Variants in SETD6 observed in about 807,000 individuals in gnomAD.
SETD6 encodes the protein N-lysine methyltransferase SETD6.
Under a neutral mutation model 52.7 loss-of-function variants are expected in SETD6, and 67 were observed. The ratio of observed to expected loss-of-function variants is 1.27; its 90% CI spans 1.04 to 1.56. The LOEUF is 1.56. Ranked by LOEUF, SETD6 falls within the 40% of genes most tolerant of loss-of-function variation. The pLI is 0.00. For missense variants in SETD6, 712 were observed against 607.5 expected (o/e 1.17, Z -1.81); for synonymous variants, 307 against 250.2 (o/e 1.23, Z -2.14).
rs1263399246 is a variant in SETD6, at chr16:58,518,237, T to C, written c.973+6T>C. ...TCGTGAGGCAGCATTACAGGGTGAG[T>C]GTATCATTAACTCAATATTTGACAC... is the stretch of plus-strand genomic sequence containing the variant. On this transcript the variant is annotated splice_donor_region_variant and intron_variant, in intron 6 of 7. Transcript: ENST00000219315. The C allele has an allele frequency of 1.9e-6, 3 of 1,613,956 alleles. No individual in the cohort carries two copies. In the Admixed American group the frequency reaches 5.0e-5, roughly 27 times the overall value.
intron 4 of SETD6, 22 bp downstream of exon 4, chr16:58,516,694 G>A (rs533477874): frequency 1.9e-6 from 3 of 1,610,526 alleles, no homozygotes; most frequent in Non-Finnish European, 2.5e-6. Flanking sequence ...GGGCCTCTGA[G>A]GACGGAACCC....
intron 5 of SETD6, chr16:58,517,270 T>C (rs2039198517): frequency 2.8e-6 from 1 of 355,222 alleles, no homozygotes; most frequent in Admixed American, 3.7e-5. Context: ...AGTGATAGTC[T>C]CCGTGTTTTG....
chr16:58,520,696 T>G lies in SETD6; in HGVS notation c.*1667T>G. On this transcript the variant is annotated 3_prime_UTR_variant, in exon 8 of 8. Transcript: ENST00000219315. ...AAGCCAAGAAGTTCCAGACAAAGGT[T>G]TTCTCTTTCATGTATTTACACAAGT... 1 of 478,508 alleles carries G rather than the reference T, an allele frequency of 2.1e-6. No homozygotes were observed. Among genetic ancestry groups the G allele is most frequent in the Non-Finnish European group, 3.8e-6 (1 of 263,066 alleles). The allele number at this position is 478,508 out of a possible 1,614,324, so 29.6% of individuals were successfully genotyped here.
In SETD6 at chr16:58,520,909, G is replaced by A. The variant is rs752277845; in HGVS notation, c.*1880G>A. 3 of 1,563,256 alleles carry A rather than the reference G, an allele frequency of 1.9e-6. No individual in the cohort carries two copies. In the South Asian group the frequency reaches 3.3e-5, roughly 17 times the overall value. ...ATTCTTCAGTCAGTTTATGAACTCG[G>A]TGCAGTGAGACCTCTAGACTGACAC... On this transcript the variant is annotated 3_prime_UTR_variant, in exon 8 of 8. Coordinates refer to ENST00000219315, the MANE Select transcript of SETD6 (RefSeq NM_001160305.4).
chr16:58,516,124 TGGGGCGGGGCGGGGCGGGGC>T, intron 2 of SETD6, 27 bp downstream of exon 2: 1 of 411,204 alleles, frequency 2.4e-6, no homozygotes, highest in Non-Finnish European at 3.2e-6. Context: ...GCTAGGGCCC[TGGGGCGGGGCGGGGCGGGGC>T]GGGGCGGGCC....
At chr16:58,516,723 A>G (rs780235563) in intron 4 of SETD6, 51 bp downstream of exon 4, 3 of 1,610,024 alleles carry the variant, frequency 1.9e-6, no homozygotes, top group Non-Finnish European at 2.5e-6. Flanking sequence ...ACAACTCTAT[A>G]GAGGGACAAA....
upstream of SETD6, chr16:58,515,496 C>G (rs1450123973): frequency 2.3e-5 from 36 of 1,566,814 alleles, no homozygotes; most frequent in Non-Finnish European, 3.0e-5. Flanking sequence ...CCGGAAGTGA[C>G]CGCGCGGTGC....
Position 58,521,233 on chromosome 16 carries a change from C to T in SETD6, c.*2204C>T, listed in dbSNP as rs754967022. The T allele has an allele frequency of 1.1e-5, 17 of 1,613,986 alleles. No homozygotes were observed. Among genetic ancestry groups the T allele is most frequent in the East Asian group, 8.9e-5 (4 of 44,898 alleles). Reference sequence around the variant, plus strand: ...CAAATTCATGGTTCCAGAACTTAAACGCTGGGTTTTTAATCAGCTCAATGA... The same window carrying T: ...CAAATTCATGGTTCCAGAACTTAAATGCTGGGTTTTTAATCAGCTCAATGA... On this transcript the variant is annotated 3_prime_UTR_variant, in exon 8 of 8. Transcript: ENST00000219315.
At position 58,515,821 on chromosome 16, in the gene SETD6, G is replaced by A; in HGVS notation, c.58G>A (p.Asp20Asn). 2.0e-6 allele frequency: 3 copies of A among 1,537,120 alleles called. No individual in the cohort carries two copies. Among genetic ancestry groups the A allele is most frequent in the South Asian group, 1.2e-5 (1 of 82,360 alleles). ...GGGGCCCGTGGACGGCGGCGACCTGGATCCTGTGGCCTGCTTCCTGAGCTG... is the reference window on the plus strand; with the variant it reads ...GGGGCCCGTGGACGGCGGCGACCTGAATCCTGTGGCCTGCTTCCTGAGCTG... ...VAGPVDGGDLDPVACFLSWCR... is the reference protein window; with the variant it reads ...VAGPVDGGDLNPVACFLSWCR... Residue 20 changes from aspartate to asparagine, a missense_variant, in exon 2 of 8, where the codon GAT (aspartate) becomes AAT (asparagine). By Grantham distance (23) the Asp-to-Asn change is conservative (BLOSUM62 1). Coordinates refer to ENST00000219315, the MANE Select transcript of SETD6 (RefSeq NM_001160305.4).
chr16:58,516,165 G>A, intron 2 of SETD6, 37 bp from the exon 3 acceptor site: 1 of 1,395,340 alleles, frequency 7.2e-7, no homozygotes, highest in Non-Finnish European at 9.2e-7. Flanking sequence ...CGGCCCGCGA[G>A]GCCGCGCCGG....
rs1410003134 is a variant in SETD6 at position 58,516,250 on chromosome 16, C to CGCTGCTCCACGA, written c.389_400dup (p.Leu130_Leu133dup). The CGCTGCTCCACGA allele has an allele frequency of 6.3e-7, 1 of 1,599,404 alleles. No individual in the cohort carries two copies. Among genetic ancestry groups the CGCTGCTCCACGA allele is most frequent in the African/African-American group, 1.3e-5 (1 of 74,942 alleles). ...TCGGGCTGGGTGCCACTGCTGCTGGCGCTGCTCCACGAGCTGCAGGCCCCG... is the reference window on the plus strand; with the variant it reads ...TCGGGCTGGGTGCCACTGCTGCTGGCGCTGCTCCACGAGCTGCTCCACGAGCTGCAGGCCCCG... On this transcript the variant is annotated inframe_insertion, in exon 3 of 8. Transcript: ENST00000219315.
chr16:58,518,060 C>G lies in SETD6; in HGVS notation c.802C>G (p.Arg268Gly). 1 of 1,614,152 alleles carries G rather than the reference C, an allele frequency of 6.2e-7. No individual in the cohort carries two copies. The highest frequency in any genetic ancestry group is 1.1e-5 in the South Asian group (1 of 91,088). Residue 268 changes from arginine (R) to glycine (G), a missense_variant, in exon 6 of 8, where the codon CGG becomes GGG. Transcript: ENST00000219315. Reference protein sequence around the residue: ...ANLEYSANCLRMVATQPIPKG... With the variant: ...ANLEYSANCLGMVATQPIPKG... ...CTCCCTTTCACCTCAGAATTGTCTTCGGATGGTAGCCACTCAGCCCATTCC... is the reference window on the plus strand; with the variant it reads ...CTCCCTTTCACCTCAGAATTGTCTTGGGATGGTAGCCACTCAGCCCATTCC...
In SETD6 at chr16:58,518,633, T is replaced by A. The variant is rs971549617; in HGVS notation, c.1116+90T>A. 5 of 1,577,246 alleles carry A rather than the reference T, an allele frequency of 3.2e-6. No homozygotes were observed. The African/African-American group carries it at 5.5e-5, about 17-fold the overall frequency. The stretch of plus-strand genomic sequence containing the variant: ...GATGAGAGAGGAAATGTGGGATTTT[T>A]AATAAATGCTAAGATGAGTTTAGTC... On this transcript the variant is annotated intron_variant, in intron 7 of 7. Transcript: ENST00000219315.
At chr16:58,517,159 C>A in intron 5 of SETD6, 1 of 584,294 alleles carries the variant, frequency 1.7e-6, no homozygotes, top group Non-Finnish European at 3.0e-6. Flanking sequence ...TTATTTAGTG[C>A]TAGACATTGA....
chr16:58,523,287 C>A lies in SETD6; in HGVS notation c.*4258C>A. ...ACCAACCAAACGGATTTTCACTGAACACTGAAAGCATAAAGAGGAAAAAAA... is the reference window on the plus strand; with the variant it reads ...ACCAACCAAACGGATTTTCACTGAAAACTGAAAGCATAAAGAGGAAAAAAA... On this transcript the variant is annotated 3_prime_UTR_variant, in exon 8 of 8. Coordinates refer to ENST00000219315, the MANE Select transcript of SETD6 (RefSeq NM_001160305.4). 6 of 1,387,616 alleles carry A rather than the reference C, an allele frequency of 4.3e-6. No homozygotes were observed. Among genetic ancestry groups the A allele is most frequent in the African/African-American group, 1.6e-5 (1 of 64,168 alleles). The allele number at this position is 1,387,616 out of a possible 1,614,324, so 86.0% of individuals were successfully genotyped here.
Position 58,518,193 on chromosome 16 carries a change from ACATT to A in SETD6, c.938_941del (p.Ile313ArgfsTer3). The A allele has an allele frequency of 6.2e-7, 1 of 1,614,236 alleles. No homozygotes were observed. The highest frequency in any genetic ancestry group is 2.2e-5 in the East Asian group (1 of 44,890). On this transcript the variant is annotated frameshift_variant, in exon 6 of 8. Coordinates refer to ENST00000219315, the MANE Select transcript of SETD6 (RefSeq NM_001160305.4). LOFTEE classifies it high-confidence loss of function. ...CCTGACAACACAGATGACACAGCTG[ACATT>A]CAGATGGTGACAGTTCGTGAGGCAG...
rs760300831 is a variant in SETD6 at position 58,516,570 on chromosome 16, C to A, written c.569C>A (p.Ser190Tyr). 6.2e-7 allele frequency: 1 copy of A among 1,614,080 alleles called. No homozygotes were observed. ...GCCAACATCCGCAGCGAGTACCAGT[C>A]CATCGTGCTGCCCTTCATGGAAGCC... ...DLANIRSEYQSIVLPFMEAHP... is the reference protein window; with the variant it reads ...DLANIRSEYQYIVLPFMEAHP... Residue 190 changes from serine to tyrosine, a missense_variant, in exon 4 of 8, where the codon TCC becomes TAC. Physicochemically the swap from Ser to Tyr is moderately radical, Grantham distance 144. Coordinates refer to ENST00000219315, the MANE Select transcript of SETD6 (RefSeq NM_001160305.4).
intron 5 of SETD6, 30 bp downstream of exon 5, chr16:58,516,958 T>A: frequency 6.2e-7 from 1 of 1,614,088 alleles, no homozygotes; most frequent in Non-Finnish European, 8.5e-7. Flanking sequence ...GTGCACTGAT[T>A]GAGCATGATT....
chr16:58,515,850 C>T lies in SETD6; in HGVS notation c.87C>T (p.Cys29=), dbSNP rs1186569828. The change falls in exon 2 of 8, where the codon TGC becomes TGT. Residue 29 remains cysteine (C), a synonymous_variant. Coordinates refer to ENST00000219315, the MANE Select transcript of SETD6 (RefSeq NM_001160305.4). The part of the protein sequence containing the change: ...LDPVACFLSW[C]RRVGLELSPK... ...CTGTGGCCTGCTTCCTGAGCTGGTG[C>T]CGGCGGGTGGGGCTGGAGCTGAGTC... 1 of 1,532,724 alleles carries T rather than the reference C, an allele frequency of 6.5e-7. No individual in the cohort carries two copies. The highest frequency in any genetic ancestry group is 8.7e-7 in the Non-Finnish European group (1 of 1,149,760). The allele number at this position is 1,532,724 out of a possible 1,614,324, so 94.9% of individuals were successfully genotyped here. A position where few individuals can be genotyped will look rare whatever the true frequency, so the allele number is the denominator to read the frequency against.
Sources: gnomAD v4.1 joint callset for allele counts on GRCh38, gnomAD v4.1.1 for gene constraint, MANE v1.5 for transcripts, NCBI Gene and HGNC (gene_info 2026-07-23, HGNC 2026-07-21) for gene names.